SUMF1: variants seen among roughly 807,000 people sequenced by gnomAD.
SUMF1 encodes the protein formylglycine-generating enzyme.
Under a neutral mutation model 47.6 loss-of-function variants are expected in SUMF1, and 48 were observed. The ratio of observed to expected loss-of-function variants is 1.01; its 90% CI spans 0.80 to 1.28. The LOEUF (loss-of-function observed/expected upper bound fraction) is 1.28, where lower values mean the gene tolerates loss of function less well. Ranked by LOEUF, SUMF1 falls within the 50% of genes most tolerant of loss-of-function variation. The pLI is 0.00. For missense variants in SUMF1, 571 were observed against 485.4 expected (o/e 1.18, Z -1.66); for synonymous variants, 230 against 192.1 (o/e 1.20, Z -1.63).
At chr3:4,148,206 G>A (rs187522658) in intron 8 of SUMF1, among the ~76,000 whole-genome samples, 2 of 152,234 alleles carry the variant, frequency 1.3e-5, no homozygotes, top group Admixed American at 1.3e-4. Flanking sequence ...AAGAAAAGCT[G>A]CTGTTGAGAA....
chr3:4,399,722 C>T (rs1473870238), intron 7 of SUMF1, among the ~76,000 whole-genome samples: 1 of 152,042 alleles, frequency 6.6e-6, no homozygotes, highest in Non-Finnish European at 1.5e-5. Flanking sequence ...AGAGTCTGGC[C>T]CTCAAAACAG....
chr3:4,293,110 AG>A (rs11315222), intron 8 of SUMF1, among the ~76,000 whole-genome samples: 2,483 of 152,272 alleles, frequency 0.016, 72 homozygotes, highest in African/African-American at 0.057. Flanking sequence ...TTTCAAACTG[AG>A]GGATTAAAGC....
chr3:4,061,312 C>T (rs946892863), intron 9 of SUMF1, among the ~76,000 whole-genome samples: 7 of 152,096 alleles, frequency 4.6e-5, no homozygotes, highest in African/African-American at 1.7e-4. Context: ...CATCAGGACT[C>T]CCAGATAGTA....
intron 8 of SUMF1, among the ~76,000 whole-genome samples, chr3:4,276,382 C>G (rs1310847865): frequency 7.6e-6 from 1 of 131,632 alleles, no homozygotes; most frequent in Non-Finnish European, 1.8e-5. Context: ...ATATAACTAT[C>G]TTTTACTATG....
intron 8 of SUMF1, among the ~76,000 whole-genome samples, chr3:4,226,830 G>A (rs1313212067): frequency 6.6e-6 from 1 of 151,788 alleles, no homozygotes; most frequent in East Asian, 1.9e-4. Flanking sequence ...ACTGCCTCCT[G>A]CCAGTAACTT....
At chr3:4,360,771 A>T (rs1309839164), downstream of SUMF1, among the ~76,000 whole-genome samples, 2 of 152,232 alleles carry the variant, frequency 1.3e-5, no homozygotes, top group African/African-American at 4.8e-5. Flanking sequence ...GAAATGGCTT[A>T]GGGGTTCTCA....
chr3:4,399,630 A>G (rs1701144533), intron 7 of SUMF1, among the ~76,000 whole-genome samples: 1 of 152,230 alleles, frequency 6.6e-6, no homozygotes, highest in Non-Finnish European at 1.5e-5. Flanking sequence ...AAGAAAAAAC[A>G]ATCTGTCCAG....
At chr3:4,061,276 T>C (rs1695272340) in intron 9 of SUMF1, among the ~76,000 whole-genome samples, 1 of 152,100 alleles carries the variant, frequency 6.6e-6, no homozygotes, top group African/African-American at 2.4e-5. Flanking sequence ...ATTGTCTTAT[T>C]TGAGTTTCTT....
intron 8 of SUMF1, among the ~76,000 whole-genome samples, chr3:4,268,430 T>C (rs1019553727): frequency 3.3e-5 from 5 of 149,528 alleles, no homozygotes; most frequent in Admixed American, 6.7e-5. Flanking sequence ...ACTTAAAGTA[T>C]AATAAAAAAA....
chr3:4,354,480 T>G (rs3305), intron 8 of SUMF1, among the ~76,000 whole-genome samples: 149,365 of 152,328 alleles, frequency 0.98, 73,232 homozygotes, highest in East Asian at 1. Context: ...AAGAAGAAAA[T>G]ACCCAGAGTT....
intron 8 of SUMF1, among the ~76,000 whole-genome samples, chr3:4,363,093 A>G (rs571865940): frequency 1.3e-5 from 2 of 152,288 alleles, no homozygotes; most frequent in African/African-American, 4.8e-5. Flanking sequence ...TTCCTATATG[A>G]AACCTATTCA....
chr3:4,429,919 G>A (rs1276878824), intron 3 of SUMF1, among the ~76,000 whole-genome samples: 1 of 152,170 alleles, frequency 6.6e-6, no homozygotes, highest in East Asian at 1.9e-4. Flanking sequence ...TCCTGCTGGT[G>A]GAGGCAAACT....
chr3:4,396,508 G>C (rs568544725), intron 7 of SUMF1, among the ~76,000 whole-genome samples: 1 of 152,154 alleles, frequency 6.6e-6, no homozygotes, highest in African/African-American at 2.4e-5. Context: ...TCTAGTCTGG[G>C]CTCTATCCTT....
chr3:4,176,840 G>A (rs1365256702), intron 8 of SUMF1, among the ~76,000 whole-genome samples: 1 of 152,092 alleles, frequency 6.6e-6, no homozygotes, highest in Non-Finnish European at 1.5e-5. Context: ...AGGGATAGAG[G>A]AAGATTTACC....
chr3:4,217,514 T>TATATATATATATATATATATATA (rs1553610066), intron 8 of SUMF1, among the ~76,000 whole-genome samples: 17 of 45,184 alleles, frequency 3.8e-4, no homozygotes, highest in African/African-American at 1.5e-3. Flanking sequence ...AAAGTATTTT[T>TATATATATATATATATATATATA]TATATATATA....
chr3:4,119,979 T>A (rs946168581), intron 8 of SUMF1, among the ~76,000 whole-genome samples: 4 of 152,152 alleles, frequency 2.6e-5, no homozygotes, highest in African/African-American at 9.7e-5. Flanking sequence ...ATGAGCTTCC[T>A]TTTTAGGAAA....
intron 8 of SUMF1, among the ~76,000 whole-genome samples, chr3:4,133,092 C>T (rs777571761): frequency 6.6e-6 from 1 of 152,152 alleles, no homozygotes; most frequent in Non-Finnish European, 1.5e-5. Flanking sequence ...TGACCAGCTG[C>T]AGAAAGAGGA....
chr3:4,094,210 T>C (rs556269333), intron 8 of SUMF1, among the ~76,000 whole-genome samples: 1 of 152,188 alleles, frequency 6.6e-6, no homozygotes, highest in Non-Finnish European at 1.5e-5. Context: ...TTGAGAAGCC[T>C]ATCGGACTTT....
chr3:4,319,560 A>G (rs1198663147), intron 8 of SUMF1, among the ~76,000 whole-genome samples: 1 of 152,212 alleles, frequency 6.6e-6, no homozygotes, highest in Non-Finnish European at 1.5e-5. Flanking sequence ...CTCAGATGAG[A>G]CAAATGTAAA....
Sources: allele counts gnomAD v4.1 joint callset (sites outside exome capture counted in the v4.1 genomes callset), GRCh38; gene constraint gnomAD v4.1.1; transcripts MANE v1.5; gene names NCBI Gene and HGNC (gene_info 2026-07-23, HGNC 2026-07-21).